The following EYS variants were observed in gnomAD, a reference collection of about 807,000 sequenced individuals.
EYS encodes EGF-like photoreceptor maintenance factor.
Under a neutral mutation model 282.1 loss-of-function variants are expected in EYS, and 250 were observed. That is an observed-to-expected ratio of 0.89 (90% confidence interval 0.80 to 0.98). The LOEUF (loss-of-function observed/expected upper bound fraction) is 0.98, where lower values mean the gene tolerates loss of function less well. Ranked by LOEUF, EYS falls within the 50% of genes least tolerant of loss-of-function variation. The pLI is 0.00. For synonymous variants in EYS, 1,355 were observed against 1,282.9 expected, an observed-to-expected ratio of 1.06 and a Z score of -1.20; for missense variants, 4,016 against 3,709.0, an observed-to-expected ratio of 1.08 and a Z score of -2.15.
At chr6:65,269,584 T>A (rs190869382) in intron 12 of EYS, among the ~76,000 whole-genome samples, 1 of 152,280 alleles carries the variant, frequency 6.6e-6, no homozygotes, top group Admixed American at 6.5e-5. Context: ...TCATGGAGAC[T>A]GTCTTAATTC....
At chr6:65,404,260 T>C (rs1040129629) in intron 6 of EYS, among the ~76,000 whole-genome samples, 2 of 152,070 alleles carry the variant, frequency 1.3e-5, no homozygotes, top group African/African-American at 2.4e-5. Context: ...ACCCTTGTGA[T>C]TACACTGGAT....
chr6:64,150,518 G>T (rs1327556541), intron 31 of EYS, among the ~76,000 whole-genome samples: 1 of 152,098 alleles, frequency 6.6e-6, no homozygotes. Flanking sequence ...ATTTTTAGGA[G>T]ATGATATTTT....
intron 36 of EYS, among the ~76,000 whole-genome samples, chr6:63,845,048 G>A (rs1772062988): frequency 2.0e-5 from 3 of 152,170 alleles, no homozygotes; most frequent in African/African-American, 7.2e-5. Flanking sequence ...AAGGTGTAAG[G>A]AAAGGGTCCA....
At chr6:65,558,062 C>G (rs891004640) in intron 2 of EYS, among the ~76,000 whole-genome samples, 1 of 152,146 alleles carries the variant, frequency 6.6e-6, no homozygotes, top group Non-Finnish European at 1.5e-5. Flanking sequence ...GCATCCGAGC[C>G]CCCAGGCTTC....
At chr6:63,929,870 A>G (rs1302804495) in intron 35 of EYS, among the ~76,000 whole-genome samples, 1 of 152,186 alleles carries the variant, frequency 6.6e-6, no homozygotes, top group Admixed American at 6.5e-5. Context: ...GCTAAGGAAG[A>G]GTTTAGTTCA....
chr6:65,047,724 C>T (rs958705097), intron 13 of EYS, among the ~76,000 whole-genome samples: 1 of 151,858 alleles, frequency 6.6e-6, no homozygotes, highest in African/African-American at 2.4e-5. Context: ...TGCAATTGAA[C>T]TCAGAAATGT....
chr6:64,366,081 C>T (rs1371003454), intron 29 of EYS, among the ~76,000 whole-genome samples: 4 of 152,036 alleles, frequency 2.6e-5, no homozygotes, highest in Non-Finnish European at 5.9e-5. Flanking sequence ...ATAACTAAGT[C>T]TGCAACCTTA....
At chr6:63,856,614 G>C (rs1772398724) in intron 36 of EYS, among the ~76,000 whole-genome samples, 1 of 152,168 alleles carries the variant, frequency 6.6e-6, no homozygotes, top group Non-Finnish European at 1.5e-5. Context: ...TTTCCATTTA[G>C]TGTAAGTAGA....
chr6:63,838,220 T>G (rs1771858048), intron 36 of EYS, among the ~76,000 whole-genome samples: 1 of 151,682 alleles, frequency 6.6e-6, no homozygotes, highest in Non-Finnish European at 1.5e-5. Context: ...TTTCTTTTCT[T>G]TTCTTTTTTT....
chr6:64,561,269 C>T (rs1439023219), intron 26 of EYS, among the ~76,000 whole-genome samples: 1 of 152,046 alleles, frequency 6.6e-6, no homozygotes, highest in East Asian at 1.9e-4. Context: ...AAAGCCAGCA[C>T]AAAAATGCCC....
chr6:64,208,571 G>C (rs115896039), intron 31 of EYS, among the ~76,000 whole-genome samples: 25 of 152,144 alleles, frequency 1.6e-4, no homozygotes, highest in African/African-American at 6.0e-4. Flanking sequence ...TTAGAACCTA[G>C]ATTACCTGAG....
At chr6:64,576,168 C>T (rs1269585546) in intron 26 of EYS, among the ~76,000 whole-genome samples, 1 of 152,062 alleles carries the variant, frequency 6.6e-6, no homozygotes, top group African/African-American at 2.4e-5. Context: ...GTAGCATTTA[C>T]ATCATCCTTG....
At chr6:64,927,529 C>T (rs1768556753) in intron 15 of EYS, among the ~76,000 whole-genome samples, 1 of 152,032 alleles carries the variant, frequency 6.6e-6, no homozygotes, top group Admixed American at 6.5e-5. Context: ...TGTCAAAACT[C>T]CCCAGCATAA....
chr6:65,031,601 G>A (rs947421135), intron 13 of EYS, among the ~76,000 whole-genome samples: 1 of 152,018 alleles, frequency 6.6e-6, no homozygotes, highest in Admixed American at 6.6e-5. Flanking sequence ...CAATTACATG[G>A]AAATTAAACA....
chr6:64,606,317 G>A (rs1766935902), intron 24 of EYS, among the ~76,000 whole-genome samples: 1 of 151,966 alleles, frequency 6.6e-6, no homozygotes, highest in African/African-American at 2.4e-5. Context: ...TATTCAAGAA[G>A]ACTTGCTACA....
intron 6 of EYS, among the ~76,000 whole-genome samples, chr6:65,403,304 C>T (rs1400993335): frequency 6.6e-6 from 1 of 151,988 alleles, no homozygotes; most frequent in Non-Finnish European, 1.5e-5. Flanking sequence ...ATTTGCTGGG[C>T]AAAAGTTAAT....
At chr6:65,499,205 C>A (rs888426126) in intron 2 of EYS, among the ~76,000 whole-genome samples, 1 of 151,906 alleles carries the variant, frequency 6.6e-6, no homozygotes, top group Non-Finnish European at 1.5e-5. Context: ...AACAATATTT[C>A]TTCTTTCACA....
chr6:64,422,011 G>T (rs1199741194), intron 28 of EYS, among the ~76,000 whole-genome samples: 2 of 151,910 alleles, frequency 1.3e-5, no homozygotes, highest in African/African-American at 2.4e-5. Context: ...GTGAGGGAAG[G>T]GGTAGAATCC....
At chr6:64,573,975 A>T (rs1765803372) in intron 26 of EYS, among the ~76,000 whole-genome samples, 1 of 152,182 alleles carries the variant, frequency 6.6e-6, no homozygotes, top group African/African-American at 2.4e-5. Context: ...ACACATACAC[A>T]TGTATGTTTA....
Sources: gnomAD v4.1 joint callset for allele counts (sites outside exome capture counted in the v4.1 genomes callset) on GRCh38, gnomAD v4.1.1 for gene constraint, MANE v1.5 for transcripts, NCBI Gene and HGNC (gene_info 2026-07-23, HGNC 2026-07-21) for gene names.